The following DOCK3 variants were observed in gnomAD, a reference collection of about 807,000 sequenced individuals.
DOCK3 encodes the protein dedicator of cytokinesis 3.
Under a neutral mutation model 265.6 loss-of-function variants are expected in DOCK3, and 60 were observed. That is an observed-to-expected ratio of 0.23 (90% CI 0.18 to 0.28). The LOEUF is 0.28. Among genes scored for constraint, DOCK3 ranks in the 10% least tolerant of loss-of-function variants. The pLI, the probability that DOCK3 is intolerant of heterozygous loss-of-function variation, is 1.00. For missense variants in DOCK3, 1,981 were observed against 2,594.3 expected (o/e 0.76, Z 5.14); for synonymous variants, 881 against 938.0 (o/e 0.94, Z 1.11).
rs574919629 is a variant in DOCK3, at chr3:51,128,682, C to T, written c.747-17867C>T. 1.9e-4 allele frequency among the ~76,000 whole-genome samples: 29 copies of T among 152,336 alleles called. No individual in the cohort carries two copies. In the East Asian group the frequency reaches 4.4e-3, roughly 23 times the overall value. On this transcript the variant is annotated intron_variant, in intron 9 of 52. Transcript: ENST00000266037. ...GATAGAAGAGGTCCAATATAATCAA[C>T]CTGCCACAGCTGGCTGATCACCTTG...
In DOCK3 at chr3:50,887,882, T is replaced by C. The variant is rs2048420884; in HGVS notation, c.163-2144T>C. 2.6e-5 allele frequency among the ~76,000 whole-genome samples: 4 copies of C among 151,566 alleles called. No individual in the cohort carries two copies. In the South Asian group the frequency reaches 8.3e-4, roughly 32 times the overall value. ...GTATCTCAAAATAATAAGAGCTATT[T>C]ATGAACCCACAGCCAATGTCATACT... On this transcript the variant is annotated intron_variant, in intron 3 of 52. Transcript: ENST00000266037.
intron 1 of DOCK3, among the ~76,000 whole-genome samples, chr3:50,743,350 CT>C (rs2039199958): frequency 6.6e-6 from 1 of 152,032 alleles, no homozygotes; most frequent in Non-Finnish European, 1.5e-5. Context: ...ACAATATTAA[CT>C]TTAAATGTAA....
At chr3:51,088,034 G>T (rs964272986) in intron 7 of DOCK3, among the ~76,000 whole-genome samples, 3 of 152,174 alleles carry the variant, frequency 2.0e-5, no homozygotes, top group African/African-American at 7.2e-5. Flanking sequence ...TGAAGAAAAT[G>T]TGGCATATAT....
At position 51,249,004 on chromosome 3, in the gene DOCK3, C is replaced by T. The variant is rs533748096; in HGVS notation, c.2184+2197C>T. ...GGAGCCTCTCCGCCCGGCAGCCGCC[C>T]CGTCTGAGAAGTGAGGAGCCTCTCC... On this transcript the variant is annotated intron_variant, in intron 22 of 52. Transcript: ENST00000266037. Among the ~76,000 whole-genome samples the T allele has an allele frequency of 5.4e-3, 820 of 151,618 alleles. 3 individuals are homozygous for T. The highest frequency in any genetic ancestry group is 0.037 in the South Asian group (175 of 4,788).
intron 9 of DOCK3, among the ~76,000 whole-genome samples, chr3:51,138,062 G>A (rs1462294971): frequency 6.6e-6 from 1 of 152,152 alleles, no homozygotes; most frequent in Admixed American, 6.5e-5. Flanking sequence ...CACAAAAGTG[G>A]GTTGTGGGGT....
intron 1 of DOCK3, among the ~76,000 whole-genome samples, chr3:50,707,824 C>T (rs2036512813): frequency 2.0e-5 from 3 of 151,956 alleles, no homozygotes; most frequent in Non-Finnish European, 2.9e-5. Context: ...TTTTGGGCCC[C>T]GATTGGTGTG....
At chr3:51,326,585 TG>T (rs1294405220) in intron 32 of DOCK3, among the ~76,000 whole-genome samples, 35 of 4,576 alleles carry the variant, frequency 7.6e-3, no homozygotes, top group African/African-American at 0.024. Flanking sequence ...TGGCATGTTT[TG>T]TTGTTGTTGT....
chr3:51,352,202 C>T (rs2086040660), intron 40 of DOCK3, among the ~76,000 whole-genome samples: 1 of 152,204 alleles, frequency 6.6e-6, no homozygotes, highest in South Asian at 2.1e-4. Flanking sequence ...GCCTTTTTCT[C>T]ATTTTATCTT....
At chr3:51,136,741 C>CATTATA (rs1205821024) in intron 9 of DOCK3, among the ~76,000 whole-genome samples, 5 of 151,940 alleles carry the variant, frequency 3.3e-5, no homozygotes, top group African/African-American at 1.2e-4. Flanking sequence ...CTAGAAAGAA[C>CATTATA]CCTTGCATTA....
rs559702395 is a variant in DOCK3 at position 51,039,859 on chromosome 3, G to A, written c.316-24589G>A. Among the ~76,000 whole-genome samples, 50 of 136,678 alleles carry A rather than the reference G, an allele frequency of 3.7e-4. No homozygotes were observed. The South Asian group carries it at 6.0e-3, about 16-fold the overall frequency. The allele number at this position is 136,678 out of a possible 152,430, so 89.7% of individuals were successfully genotyped here. A position where few individuals can be genotyped will look rare whatever the true frequency, so the allele number is the denominator to read the frequency against. On this transcript the variant is annotated intron_variant, in intron 5 of 52. Coordinates refer to ENST00000266037, the MANE Select transcript of DOCK3 (RefSeq NM_004947.5). ...GAAATGTAATCACCCTCGGGTTTCT[G>A]CATTATAGCTTGTGCTTTGAGGTCT... is the stretch of plus-strand genomic sequence containing the variant.
intron 22 of DOCK3, among the ~76,000 whole-genome samples, chr3:51,253,544 C>T (rs2079379064): frequency 6.6e-6 from 1 of 151,986 alleles, no homozygotes; most frequent in South Asian, 2.1e-4. Flanking sequence ...TTTACAGAGC[C>T]TATTATTGGT....
chr3:50,762,187 A>G (rs982658888), intron 1 of DOCK3, among the ~76,000 whole-genome samples: 32 of 152,032 alleles, frequency 2.1e-4, no homozygotes, highest in African/African-American at 7.0e-4. Context: ...GCATACCAAC[A>G]TGGCACATGT....
intron 1 of DOCK3, among the ~76,000 whole-genome samples, chr3:50,707,393 T>TCAC (rs2036478293): frequency 1.3e-5 from 2 of 151,122 alleles, no homozygotes; most frequent in African/African-American, 4.9e-5. Flanking sequence ...GCCAGGATTG[T>TCAC]GCCACTGCAC....
intron 23 of DOCK3, among the ~76,000 whole-genome samples, chr3:51,269,590 G>A (rs1300662008): frequency 1.3e-5 from 2 of 152,186 alleles, no homozygotes; most frequent in Admixed American, 6.5e-5. Flanking sequence ...GCCAGTGTCT[G>A]TTGCCTGATG....
At chr3:51,311,289 A>G (rs1576756096) in intron 28 of DOCK3, among the ~76,000 whole-genome samples, 1 of 152,200 alleles carries the variant, frequency 6.6e-6, no homozygotes, top group Non-Finnish European at 1.5e-5. Flanking sequence ...GTTCTTCTGC[A>G]TCTAAGCAGA....
chr3:50,692,168 C>A (rs905478550), intron 1 of DOCK3, among the ~76,000 whole-genome samples: 1 of 152,128 alleles, frequency 6.6e-6, no homozygotes. Flanking sequence ...CCTCCTGCCT[C>A]GGGGTTCCAA....
At chr3:51,124,063 A>C (rs1384750848) in intron 9 of DOCK3, among the ~76,000 whole-genome samples, 1 of 152,192 alleles carries the variant, frequency 6.6e-6, no homozygotes, top group Non-Finnish European at 1.5e-5. Context: ...GCCATTTCTA[A>C]GCCTTGGAGA....
chr3:51,109,475 C>A (rs1421128024), intron 9 of DOCK3, among the ~76,000 whole-genome samples: 1 of 151,970 alleles, frequency 6.6e-6, no homozygotes, highest in African/African-American at 2.4e-5. Context: ...AAAGCAAGAG[C>A]AAACCAACCT....
At chr3:51,161,504 T>A (rs1164783799) in intron 12 of DOCK3, among the ~76,000 whole-genome samples, 2 of 151,976 alleles carry the variant, frequency 1.3e-5, no homozygotes, top group African/African-American at 4.8e-5. Context: ...TGATCTAAGA[T>A]TTGGGGTGGG....
Sources: gnomAD v4.1 joint callset for allele counts (sites outside exome capture counted in the v4.1 genomes callset) on GRCh38, gnomAD v4.1.1 for gene constraint, MANE v1.5 for transcripts, NCBI Gene and HGNC (gene_info 2026-07-23, HGNC 2026-07-21) for gene names.